TXNDC16: variants seen among roughly 807,000 people sequenced by gnomAD.
TXNDC16 encodes the protein thioredoxin domain containing 16.
A neutral mutation model predicts 85.6 loss-of-function variants in TXNDC16; 74 were observed. That is an observed-to-expected ratio of 0.86 (90% confidence interval 0.72 to 1.05). The LOEUF (loss-of-function observed/expected upper bound fraction) is 1.05. TXNDC16 is among the 50% of genes least tolerant of loss of function. TXNDC16 has a pLI of 0.00. For synonymous variants in TXNDC16, 335 were observed against 326.5 expected, an observed-to-expected ratio of 1.03 and a Z score of -0.28; for missense variants, 959 against 947.0, an observed-to-expected ratio of 1.01 and a Z score of -0.17.
chr14:52,464,846 T>G (rs1202058873), intron 16 of TXNDC16, among the ~76,000 whole-genome samples: 1 of 151,970 alleles, frequency 6.6e-6, no homozygotes, highest in Non-Finnish European at 1.5e-5. Context: ...GGCTGAGGCA[T>G]GAAAACTGCA....
At chr14:52,546,382 C>T (rs987453276) in intron 1 of TXNDC16, among the ~76,000 whole-genome samples, 6 of 152,184 alleles carry the variant, frequency 3.9e-5, no homozygotes, top group Admixed American at 2.0e-4. Flanking sequence ...CTTGTTACCT[C>T]GGTGTGATAG....
Position 52,530,237 on chromosome 14 carries a change from A to AATAT in TXNDC16, c.392+6481_392+6482insATAT, listed in dbSNP as rs1555342422. Among the ~76,000 whole-genome samples the AATAT allele has an allele frequency of 9.0e-3, 604 of 67,290 alleles. 2 individuals carry two copies. Among genetic ancestry groups the AATAT allele is most frequent in the Non-Finnish European group, 0.01 (434 of 41,486 alleles). 44.1% of individuals were successfully genotyped at this position (67,290 alleles called of 152,430 possible). A position where few individuals can be genotyped will look rare whatever the true frequency, so the allele number is the denominator to read the frequency against. On this transcript the variant is annotated intron_variant, in intron 6 of 20. Transcript: ENST00000281741. ...CAGAATAATATATAATATTACATATAATAATATATAATATATATTATATAA... is the reference window on the plus strand; with the variant it reads ...CAGAATAATATATAATATTACATATAATATATAATATATAATATATATTATATAA...
chr14:52,541,894 C>T (rs2140228768), intron 4 of TXNDC16, among the ~76,000 whole-genome samples: 1 of 152,168 alleles, frequency 6.6e-6, no homozygotes, highest in Non-Finnish European at 1.5e-5. Flanking sequence ...GTCGTTATAA[C>T]TTTGTTCTAA....
At chr14:52,527,600 T>C (rs2037367098) in intron 6 of TXNDC16, among the ~76,000 whole-genome samples, 1 of 152,134 alleles carries the variant, frequency 6.6e-6, no homozygotes, top group African/African-American at 2.4e-5. Context: ...AGATTAATAA[T>C]GTTGAAGTTC....
At chr14:52,538,279 C>T (rs560054135) in intron 4 of TXNDC16, among the ~76,000 whole-genome samples, 45 of 152,082 alleles carry the variant, frequency 3.0e-4, no homozygotes, top group Non-Finnish European at 5.4e-4. Context: ...ACAGCAATCA[C>T]GGACCATAAG....
chr14:52,519,391 C>T (rs1047998871), intron 6 of TXNDC16, 98 bp from the exon 7 acceptor site: 90 of 853,006 alleles, frequency 1.1e-4, no homozygotes, highest in Non-Finnish European at 1.5e-4. Flanking sequence ...AAATATATCT[C>T]CATTGAATAA....
Position 52,432,175 on chromosome 14 carries a change from T to C in TXNDC16, c.*129A>G, listed in dbSNP as rs2034913701. 4.0e-6 allele frequency: 3 copies of C among 755,650 alleles called. No individual in the cohort carries two copies. The highest frequency in any genetic ancestry group is 3.6e-5 in the African/African-American group (2 of 55,012). The allele number at this position is 755,650 out of a possible 1,614,324, so 46.8% of individuals were successfully genotyped here. Reference sequence around the variant, plus strand: ...TTACTAGAAAATTTTAAATAAAATATGTGACTTATATTATAATTCTATTGG... The same window carrying C: ...TTACTAGAAAATTTTAAATAAAATACGTGACTTATATTATAATTCTATTGG... On this transcript the variant is annotated 3_prime_UTR_variant, in exon 21 of 21. Transcript: ENST00000281741.
chr14:52,550,865 G>T (rs193292847), intron 1 of TXNDC16, among the ~76,000 whole-genome samples: 10 of 152,266 alleles, frequency 6.6e-5, no homozygotes, highest in African/African-American at 2.4e-4. Context: ...CTGCTGTCAT[G>T]AGCATCCTGT....
chr14:52,521,992 C>A (rs528829103), intron 6 of TXNDC16, among the ~76,000 whole-genome samples: 1 of 152,108 alleles, frequency 6.6e-6, no homozygotes, highest in Admixed American at 6.5e-5. Context: ...GGAAAGGTGG[C>A]AACTAAAGAA....
At chr14:52,545,270 A>C (rs1009115672) in intron 1 of TXNDC16, among the ~76,000 whole-genome samples, 4 of 152,176 alleles carry the variant, frequency 2.6e-5, no homozygotes, top group African/African-American at 9.7e-5. Context: ...GTCTAACCAT[A>C]CAGCCAATGC....
intron 11 of TXNDC16, among the ~76,000 whole-genome samples, chr14:52,490,020 G>A (rs529461668): frequency 6.6e-6 from 1 of 151,984 alleles, no homozygotes; most frequent in Admixed American, 6.6e-5. Context: ...GTAGAGATGG[G>A]ATCTCCCGAT....
intron 14 of TXNDC16, among the ~76,000 whole-genome samples, chr14:52,476,428 GA>G (rs1027340452): frequency 6.6e-6 from 1 of 151,462 alleles, no homozygotes; most frequent in African/African-American, 2.4e-5. Flanking sequence ...TAAGGAAACT[GA>G]AAAAAAATTA....
chr14:52,483,510 G>A (rs1220929262), intron 12 of TXNDC16, among the ~76,000 whole-genome samples: 3 of 152,150 alleles, frequency 2.0e-5, no homozygotes, highest in Non-Finnish European at 2.9e-5. Flanking sequence ...TAACATATAC[G>A]AAAGCTCTGA....
At chr14:52,521,761 G>A (rs911140398) in intron 6 of TXNDC16, among the ~76,000 whole-genome samples, 1 of 152,042 alleles carries the variant, frequency 6.6e-6, no homozygotes, top group Non-Finnish European at 1.5e-5. Context: ...AATACTTACT[G>A]AGCAGTATTC....
chr14:52,449,429 T>C (rs1264014993), intron 18 of TXNDC16, among the ~76,000 whole-genome samples: 1 of 152,094 alleles, frequency 6.6e-6, no homozygotes, highest in Non-Finnish European at 1.5e-5. Context: ...CACCCAACAC[T>C]GGAGCACCCA....
In TXNDC16 at chr14:52,490,957, G is replaced by A. The variant is rs754901455; in HGVS notation, c.805C>T (p.Leu269=). The change falls in exon 10 of 21, where the codon CTG becomes TTG. Residue 269 remains leucine (L), a synonymous_variant. Transcript: ENST00000281741. ...ACAATAAAAACCAGTGGTAAGCCCA[G>A]TTGGAGATGGACAGTTGAAACTTGT... The part of the protein sequence containing the change: ...PQQVSTVHLQ[L]GLPLVFIVSQ... The A allele has an allele frequency of 3.8e-6, 6 of 1,590,696 alleles. No homozygotes were observed. The East Asian group carries it at 1.4e-4, about 37-fold the overall frequency.
Position 52,431,342 on chromosome 14 carries a change from A to G in TXNDC16, c.*962T>C, listed in dbSNP as rs138747036. 6.6e-6 allele frequency: 1 copy of G among 152,236 alleles called. No individual in the cohort carries two copies. The highest frequency in any genetic ancestry group is 2.1e-4 in the South Asian group (1 of 4,834). 9.4% of individuals were successfully genotyped at this position (152,236 alleles called of 1,614,324 possible). On this transcript the variant is annotated 3_prime_UTR_variant, in exon 21 of 21. Transcript: ENST00000281741. ...AAATTTAGCCATATAACTTGTAGAA[A>G]TAAGAGGAGGTTTTAAGACTCACTT...
chr14:52,524,735 T>A (rs1434308623), intron 6 of TXNDC16, among the ~76,000 whole-genome samples: 1 of 152,052 alleles, frequency 6.6e-6, no homozygotes, highest in Non-Finnish European at 1.5e-5. Flanking sequence ...CCTCAAGTGA[T>A]CCTCTTTCCT....
At chr14:52,484,199 G>GC (rs1555337214) in intron 12 of TXNDC16, among the ~76,000 whole-genome samples, 3 of 39,926 alleles carry the variant, frequency 7.5e-5, no homozygotes, top group Non-Finnish European at 1.5e-4. Context: ...AAAACAATAA[G>GC]GGGGGGGGGT....
Sources: allele counts gnomAD v4.1 joint callset (sites outside exome capture counted in the v4.1 genomes callset), GRCh38; gene constraint gnomAD v4.1.1; transcripts MANE v1.5; gene names NCBI Gene and HGNC (gene_info 2026-07-23, HGNC 2026-07-21).